Variants in PLXDC2 observed in about 807,000 individuals in gnomAD.
PLXDC2 encodes plexin domain-containing protein 2.
Under a neutral mutation model 68.9 loss-of-function variants are expected in PLXDC2, and 40 were observed. The ratio of observed to expected loss-of-function variants is 0.58; its 90% CI spans 0.45 to 0.76. The LOEUF (loss-of-function observed/expected upper bound fraction) is 0.76, where lower values mean the gene tolerates loss of function less well. PLXDC2 is among the 30% of genes least tolerant of loss of function. The pLI, the probability that PLXDC2 is intolerant of heterozygous loss-of-function variation, is 0.00. For missense variants in PLXDC2, 644 were observed against 661.9 expected (o/e 0.97, Z 0.30); for synonymous variants, 243 against 234.2 (o/e 1.04, Z -0.34).
chr10:20,257,857 C>CA (rs1036087534), intron 13 of PLXDC2, among the ~76,000 whole-genome samples: 2 of 151,684 alleles, frequency 1.3e-5, no homozygotes, highest in Non-Finnish European at 2.9e-5. Flanking sequence ...TGTATATATT[C>CA]ACTAACAAAT....
At chr10:19,923,280 G>A (rs982882083) in intron 1 of PLXDC2, among the ~76,000 whole-genome samples, 2 of 152,002 alleles carry the variant, frequency 1.3e-5, no homozygotes, top group Non-Finnish European at 2.9e-5. Context: ...GAAAAGTCTC[G>A]CCTGAAGAAA....
chr10:19,947,707 C>CTTTTTTTTTTTTTTTTTCTTTTTTT (rs34439585), intron 1 of PLXDC2, among the ~76,000 whole-genome samples: 1 of 120,974 alleles, frequency 8.3e-6, no homozygotes, highest in Non-Finnish European at 1.7e-5. Flanking sequence ...TTCTTTCTTT[C>CTTTTTTTTTTTTTTTTTCTTTTTTT]TTTTTTTTTT....
intron 1 of PLXDC2, among the ~76,000 whole-genome samples, chr10:19,956,328 G>A (rs891628097): frequency 3.3e-5 from 5 of 152,082 alleles, no homozygotes; most frequent in African/African-American, 1.2e-4. Context: ...ACATATCTCA[G>A]TAATCATTTT....
Position 20,012,336 on chromosome 10 carries a change from G to GTTTTTTTTTTT in PLXDC2, c.324+10350_324+10351insTTTTTTTTTTT, listed in dbSNP as rs1564656425. On this transcript the variant is annotated intron_variant, in intron 2 of 13. Transcript: ENST00000377252. ...TTTTTTTTTTTTTTTTTTTTTTTTG[G>GTTTTTTTTTTT]AGAAGGAGACTTGCTGTGTTTCCCA... Among the ~76,000 whole-genome samples, 2 of 33,160 alleles carry GTTTTTTTTTTT rather than the reference G, an allele frequency of 6.0e-5. 1 individual carries two copies. The highest frequency in any genetic ancestry group is 9.6e-4 in the Admixed American group (2 of 2,082). The allele number at this position is 33,160 out of a possible 152,430, so 21.8% of individuals were successfully genotyped here. A position where few individuals can be genotyped will look rare whatever the true frequency, so the allele number is the denominator to read the frequency against.
chr10:20,239,768 G>A (rs901947929), intron 12 of PLXDC2, among the ~76,000 whole-genome samples: 4 of 152,166 alleles, frequency 2.6e-5, no homozygotes, highest in African/African-American at 9.7e-5. Flanking sequence ...AGAACAATCA[G>A]TCGAGCCACA....
intron 1 of PLXDC2, among the ~76,000 whole-genome samples, chr10:19,949,551 T>G (rs974867424): frequency 1.3e-5 from 2 of 152,182 alleles, no homozygotes; most frequent in African/African-American, 4.8e-5. Flanking sequence ...CATTTTAGAG[T>G]ACTATTATAA....
chr10:20,121,903 G>C (rs984775058), intron 4 of PLXDC2, among the ~76,000 whole-genome samples: 6 of 152,128 alleles, frequency 3.9e-5, no homozygotes, highest in African/African-American at 1.4e-4. Flanking sequence ...CTGTGGGATG[G>C]GATATTGGCA....
intron 4 of PLXDC2, among the ~76,000 whole-genome samples, chr10:20,074,972 A>G (rs1836414399): frequency 6.6e-6 from 1 of 152,130 alleles, no homozygotes; most frequent in Admixed American, 6.6e-5. Context: ...ATTCATTCCA[A>G]CTTGCTTCAA....
intron 4 of PLXDC2, among the ~76,000 whole-genome samples, chr10:20,085,619 G>A (rs1833180895): frequency 1.3e-5 from 2 of 152,004 alleles, no homozygotes; most frequent in African/African-American, 4.8e-5. Context: ...ATTTGATTTG[G>A]GGAGACATGG....
At chr10:20,138,917 A>G (rs1833966840) in intron 4 of PLXDC2, among the ~76,000 whole-genome samples, 1 of 151,304 alleles carries the variant, frequency 6.6e-6, no homozygotes, top group African/African-American at 2.4e-5. Context: ...TGTCTCAGAG[A>G]AAAAAAAACA....
At chr10:19,872,114 C>A (rs1837549403) in intron 1 of PLXDC2, among the ~76,000 whole-genome samples, 1 of 152,114 alleles carries the variant, frequency 6.6e-6, no homozygotes, top group African/African-American at 2.4e-5. Flanking sequence ...GGGTGAGTTA[C>A]TTTTCTTCAG....
chr10:20,257,086 T>C (rs1311737264), intron 13 of PLXDC2, among the ~76,000 whole-genome samples: 1 of 152,054 alleles, frequency 6.6e-6, no homozygotes, highest in South Asian at 2.1e-4. Flanking sequence ...GACGCAAGGA[T>C]CTCTGGGGAA....
chr10:20,072,491 A>G (rs9663313), intron 4 of PLXDC2, among the ~76,000 whole-genome samples: 5,320 of 55,896 alleles, frequency 0.095, 320 homozygotes, highest in East Asian at 0.37. Context: ...CAAAGAAAGA[A>G]AGAGAAAGAA....
At chr10:20,170,626 T>C (rs1834435656) in intron 7 of PLXDC2, among the ~76,000 whole-genome samples, 1 of 152,162 alleles carries the variant, frequency 6.6e-6, no homozygotes, top group African/African-American at 2.4e-5. Context: ...TAGACCAGTA[T>C]GCTATTCAGA....
chr10:19,897,322 C>T (rs1470452206), intron 1 of PLXDC2, among the ~76,000 whole-genome samples: 1 of 151,968 alleles, frequency 6.6e-6, no homozygotes, highest in African/African-American at 2.4e-5. Context: ...TCACCGCAAC[C>T]TCCGCCTCCC....
At chr10:20,007,320 TCAG>T (rs1361589308) in intron 2 of PLXDC2, among the ~76,000 whole-genome samples, 1 of 152,242 alleles carries the variant, frequency 6.6e-6, no homozygotes, top group African/African-American at 2.4e-5. Context: ...CTCAGTTTCA[TCAG>T]CCTATTGCTG....
At chr10:19,900,547 C>A (rs544636924) in intron 1 of PLXDC2, among the ~76,000 whole-genome samples, 219 of 152,204 alleles carry the variant, frequency 1.4e-3, no homozygotes, top group African/African-American at 5.0e-3. Flanking sequence ...TCAACATCCA[C>A]ATAGTTTTGG....
At position 20,183,850 on chromosome 10, in the gene PLXDC2, C is replaced by A. The variant is rs149248180; in HGVS notation, c.1061+6441C>A. Among the ~76,000 whole-genome samples, 1,122 of 152,050 alleles carry A rather than the reference C, an allele frequency of 7.4e-3. 15 individuals are homozygous for A. The highest frequency in any genetic ancestry group is 0.025 in the African/African-American group (1,025 of 41,536). On this transcript the variant is annotated intron_variant, in intron 9 of 13. Transcript: ENST00000377252. ...TAGAGAGAAGTAAATTGGAGCATGG[C>A]ATAAGATATTCGCAGTGAGGCATGT...
chr10:20,069,777 G>A (rs1836285756), intron 4 of PLXDC2, among the ~76,000 whole-genome samples: 1 of 152,180 alleles, frequency 6.6e-6, no homozygotes, highest in African/African-American at 2.4e-5. Flanking sequence ...GCTGCAGTGA[G>A]CTATGACCAC....
Sources: allele counts gnomAD v4.1 joint callset (sites outside exome capture counted in the v4.1 genomes callset), GRCh38; gene constraint gnomAD v4.1.1; transcripts MANE v1.5; gene names NCBI Gene and HGNC (gene_info 2026-07-23, HGNC 2026-07-21).